The following USP45 variants were observed in gnomAD, a reference collection of about 807,000 sequenced individuals.
The protein encoded by USP45 is ubiquitin carboxyl-terminal hydrolase 45.
In USP45, 89 loss-of-function variants were observed where a neutral mutation model predicts 95.8. That is an observed-to-expected ratio of 0.93 (90% CI 0.78 to 1.11). USP45 has a LOEUF of 1.11. USP45 is among the 50% of genes least tolerant of loss of function. The pLI is 0.00. For synonymous variants in USP45, 281 were observed against 316.2 expected (o/e 0.89, Z 1.18); for missense variants, 898 against 942.5 (o/e 0.95, Z 0.62).
chr6:99,452,572 G>C (rs1784131564), intron 13 of USP45, among the ~76,000 whole-genome samples: 1 of 152,222 alleles, frequency 6.6e-6, no homozygotes, highest in Admixed American at 6.5e-5. Flanking sequence ...CTTTTACACT[G>C]TTGGTGGGAC....
intron 5 of USP45, among the ~76,000 whole-genome samples, chr6:99,496,222 A>G (rs1481184163): frequency 3.3e-5 from 5 of 152,126 alleles, no homozygotes; most frequent in African/African-American, 1.2e-4. Context: ...GGTCTCAAGC[A>G]ATCTTCCCAC....
At chr6:99,490,639 G>C (rs1051498325) in intron 5 of USP45, among the ~76,000 whole-genome samples, 2 of 152,060 alleles carry the variant, frequency 1.3e-5, no homozygotes, top group Admixed American at 6.6e-5. Flanking sequence ...GTACAGCACT[G>C]GGGGGACTGT....
At chr6:99,447,932 CAG>C (rs1381338225) in intron 13 of USP45, among the ~76,000 whole-genome samples, 18 of 152,318 alleles carry the variant, frequency 1.2e-4, no homozygotes, top group African/African-American at 4.1e-4. Flanking sequence ...TCCAGGCAAA[CAG>C]GGCCTGGAGT....
At chr6:99,473,239 T>C (rs1789895951) in intron 9 of USP45, among the ~76,000 whole-genome samples, 1 of 152,014 alleles carries the variant, frequency 6.6e-6, no homozygotes, top group African/African-American at 2.4e-5. Context: ...TACAACTCAT[T>C]CAAAAAACAT....
At chr6:99,490,262 C>G (rs1794875626) in intron 5 of USP45, among the ~76,000 whole-genome samples, 1 of 152,050 alleles carries the variant, frequency 6.6e-6, no homozygotes, top group South Asian at 2.1e-4. Context: ...CTCCCAGGTT[C>G]AAGTGATTCT....
At chr6:99,517,601 A>AT (rs11398930), upstream of USP45, among the ~76,000 whole-genome samples, 72,838 of 136,738 alleles carry the variant, frequency 0.53, 19,672 homozygotes, top group Middle Eastern at 0.69. Context: ...CACATAGCTA[A>AT]TTTTTTTTTT....
chr6:99,499,804 G>A (rs919301693), intron 5 of USP45, among the ~76,000 whole-genome samples: 2 of 152,134 alleles, frequency 1.3e-5, no homozygotes, highest in Non-Finnish European at 2.9e-5. Context: ...TTGAAAGCCG[G>A]CTCATCCATG....
At chr6:99,482,675 C>T (rs965261384) in intron 8 of USP45, 78 bp downstream of exon 8, 22 of 1,361,138 alleles carry the variant, frequency 1.6e-5, no homozygotes, top group African/African-American at 1.0e-4. Context: ...ACAGTAAAAA[C>T]GACTATTCAT....
intron 9 of USP45, 73 bp downstream of exon 9, chr6:99,476,069 TG>T (rs1790769476): frequency 5.0e-6 from 7 of 1,393,012 alleles, no homozygotes; most frequent in Non-Finnish European, 4.0e-6. Flanking sequence ...CACCCCGCCT[TG>T]GCCCCCCAAT....
intron 13 of USP45, among the ~76,000 whole-genome samples, chr6:99,450,690 C>T (rs1783659205): frequency 6.6e-6 from 1 of 152,096 alleles, no homozygotes; most frequent in Non-Finnish European, 1.5e-5. Context: ...TTTATGAGGC[C>T]AGCATCATCT....
intron 5 of USP45, among the ~76,000 whole-genome samples, chr6:99,490,058 A>G (rs1374474907): frequency 6.6e-6 from 1 of 152,188 alleles, no homozygotes; most frequent in African/African-American, 2.4e-5. Flanking sequence ...TTAGCAGATT[A>G]CTCTCTGAAT....
chr6:99,450,306 AAG>A (rs1314641478), intron 13 of USP45, among the ~76,000 whole-genome samples: 3 of 152,192 alleles, frequency 2.0e-5, no homozygotes, highest in African/African-American at 7.2e-5. Flanking sequence ...TAAAGAAGAA[AAG>A]AGAGAAGAAT....
chr6:99,469,966 C>G (rs1295527079), intron 9 of USP45, among the ~76,000 whole-genome samples: 1 of 151,882 alleles, frequency 6.6e-6, no homozygotes, highest in Non-Finnish European at 1.5e-5. Flanking sequence ...ATGGTATATG[C>G]CACCTTTTGA....
At chr6:99,436,515 C>T (rs1780516648) in intron 17 of USP45, among the ~76,000 whole-genome samples, 1 of 152,044 alleles carries the variant, frequency 6.6e-6, no homozygotes, top group African/African-American at 2.4e-5. Context: ...GAGATCCTGC[C>T]ACTGCAATCC....
chr6:99,471,294 T>C (rs1431341092), intron 9 of USP45, among the ~76,000 whole-genome samples: 3 of 152,212 alleles, frequency 2.0e-5, no homozygotes, highest in African/African-American at 7.2e-5. Context: ...GAAAGATACA[T>C]ACTTTGGTCA....
intron 13 of USP45, among the ~76,000 whole-genome samples, chr6:99,456,202 A>G (rs901850965): frequency 4.0e-5 from 6 of 150,828 alleles, no homozygotes; most frequent in Middle Eastern, 3.4e-3. Flanking sequence ...TCAGAGGCTT[A>G]GAAAAGAGTG....
chr6:99,445,808 G>C lies in USP45; in HGVS notation c.1964C>G (p.Thr655Ser), dbSNP rs754187531. ...TKNKQKYQEE[T>S]SFAEKKVEGV... ...AAAAAAATAATTACCTGCAAAACTG[G>C]TTTCTTCTTGGTACTTCTGTTTGTT... Residue 655 changes from threonine to serine, a missense_variant, in exon 14 of 18, where the codon ACC (threonine) becomes AGC (serine). Physicochemically the swap from Thr to Ser is moderately conservative, Grantham distance 58. Transcript: ENST00000500704. The C allele has an allele frequency of 1.1e-4, 172 of 1,563,518 alleles. No individual in the cohort carries two copies. Among genetic ancestry groups the C allele is most frequent in the Non-Finnish European group, 1.4e-4 (157 of 1,160,140 alleles).
intron 1 of USP45, among the ~76,000 whole-genome samples, chr6:99,510,986 C>A (rs957794584): frequency 2.0e-5 from 3 of 152,120 alleles, no homozygotes; most frequent in African/African-American, 7.2e-5. Context: ...ATAGTAAAGC[C>A]ACTCTATACC....
chr6:99,449,106 G>A (rs1011990595), intron 13 of USP45, among the ~76,000 whole-genome samples: 5 of 150,194 alleles, frequency 3.3e-5, no homozygotes, highest in African/African-American at 7.4e-5. Context: ...AGGAAGAAAC[G>A]GCATCAACTA....
Sources: gnomAD v4.1 joint callset for allele counts (sites outside exome capture counted in the v4.1 genomes callset) on GRCh38, gnomAD v4.1.1 for gene constraint, MANE v1.5 for transcripts, NCBI Gene and HGNC (gene_info 2026-07-23, HGNC 2026-07-21) for gene names.